The following ATP9B variants were observed in gnomAD, a reference collection of about 807,000 sequenced individuals.
ATP9B encodes the protein ATPase phospholipid transporting 9B.
Under a neutral mutation model 146.1 loss-of-function variants are expected in ATP9B, and 110 were observed. The ratio of observed to expected loss-of-function variants is 0.75; its 90% CI spans 0.65 to 0.88. The LOEUF is 0.88. Ranked by LOEUF, ATP9B falls within the 40% of genes least tolerant of loss-of-function variation. The pLI, the probability that ATP9B is intolerant of heterozygous loss-of-function variation, is 0.00. For missense variants in ATP9B, 1,499 were observed against 1,496.4 expected, an observed-to-expected ratio of 1.00 and a Z score of -0.03; for synonymous variants, 604 against 569.7, an observed-to-expected ratio of 1.06 and a Z score of -0.86.
rs770802937 is a variant in ATP9B, at chr18:79,303,613, C to T, written c.1421C>T (p.Thr474Ile). ...GTCCCCTTTATCCTAGGAACCCTCACCCAGAATGAAATGATATTTAAGCGG... is the reference window on the plus strand; with the variant it reads ...GTCCCCTTTATCCTAGGAACCCTCATCCAGAATGAAATGATATTTAAGCGG... ...YLLTDKTGTL[T>I]QNEMIFKRLH... The change falls in exon 14 of 30, where the codon ACC (threonine) becomes ATC (isoleucine). Residue 474 changes from threonine (T) to isoleucine (I), a missense_variant. Physicochemically the swap from Thr to Ile is moderately conservative, Grantham distance 89. Transcript: ENST00000426216. 1.2e-6 allele frequency: 2 copies of T among 1,613,808 alleles called. No homozygotes were observed. Among genetic ancestry groups the T allele is most frequent in the Admixed American group, 1.7e-5 (1 of 60,012 alleles).
At position 79,344,063 on chromosome 18, in the gene ATP9B, G is replaced by A. The variant is rs115672004; in HGVS notation, c.2383-202G>A. On this transcript the variant is annotated intron_variant, in intron 20 of 29. Coordinates refer to ENST00000426216, the MANE Select transcript of ATP9B (RefSeq NM_198531.5). ...TGCCACAAATTTGAAAATGATTGGC[G>A]TTAACTGAGTGGATAGACACACCCA... 357 of 597,674 alleles carry A rather than the reference G, an allele frequency of 6.0e-4. No individual in the cohort carries two copies. The African/African-American group carries it at 6.2e-3, about 10-fold the overall frequency. 37.0% of individuals were successfully genotyped at this position (597,674 alleles called of 1,614,324 possible).
rs745850403 is a variant in ATP9B, at chr18:79,196,913, C to T, written c.954+3650C>T. 4.6e-5 allele frequency among the ~76,000 whole-genome samples: 7 copies of T among 152,160 alleles called. No individual in the cohort carries two copies. In the South Asian group the frequency reaches 8.3e-4, roughly 18 times the overall value. ...CATAGGAAACTTTAACATCTACCTG[C>T]AGTTCCCAGTGGGTCAGGTGGACAG... is the stretch of plus-strand genomic sequence containing the variant. On this transcript the variant is annotated intron_variant, in intron 9 of 29. Coordinates refer to ENST00000426216, the MANE Select transcript of ATP9B (RefSeq NM_198531.5).
intron 15 of ATP9B, among the ~76,000 whole-genome samples, chr18:79,308,477 G>A (rs138645324): frequency 1.1e-3 from 173 of 152,302 alleles, no homozygotes; most frequent in Non-Finnish European, 1.5e-3. Context: ...GCAGGAAGGA[G>A]CCACGTCTAT....
intron 26 of ATP9B, chr18:79,360,993 A>C (rs991197877): frequency 3.9e-5 from 6 of 152,244 alleles, no homozygotes; most frequent in Non-Finnish European, 8.8e-5. Flanking sequence ...CAGAGACTCT[A>C]AAAATGTTTA....
At chr18:79,276,560 C>T (rs1053830090) in intron 12 of ATP9B, among the ~76,000 whole-genome samples, 5 of 152,194 alleles carry the variant, frequency 3.3e-5, no homozygotes, top group Admixed American at 1.3e-4. Context: ...AGGAGGACCC[C>T]GCCTGCTCCA....
intron 25 of ATP9B, among the ~76,000 whole-genome samples, chr18:79,351,522 C>A (rs2096922304): frequency 6.6e-6 from 1 of 152,162 alleles, no homozygotes. Context: ...GAAATAAATA[C>A]CAAGAATTGA....
chr18:79,190,511 TACACACACACACACAC>T (rs68063845), intron 8 of ATP9B, among the ~76,000 whole-genome samples: 3 of 143,550 alleles, frequency 2.1e-5, no homozygotes, highest in Non-Finnish European at 4.5e-5. Context: ...TTTTTATTTA[TACACACACACACACAC>T]ACACACACAC....
chr18:79,194,241 A>G (rs1445979028), intron 9 of ATP9B: 1 of 152,186 alleles, frequency 6.6e-6, no homozygotes, highest in Non-Finnish European at 1.5e-5. Flanking sequence ...ACATATGAGA[A>G]TAAATGTTAC....
intron 4 of ATP9B, among the ~76,000 whole-genome samples, chr18:79,123,397 AG>A: frequency 6.6e-6 from 1 of 151,542 alleles, no homozygotes; most frequent in Non-Finnish European, 1.5e-5. Flanking sequence ...TTGAAAAAAA[AG>A]AAAGGTCTAA....
intron 8 of ATP9B, among the ~76,000 whole-genome samples, chr18:79,185,919 C>T (rs923686639): frequency 5.3e-5 from 8 of 152,176 alleles, no homozygotes; most frequent in Non-Finnish European, 1.2e-4. Context: ...CCAAGAATAA[C>T]CTTTGTCCAT....
At chr18:79,302,495 C>T (rs1344841842) in intron 13 of ATP9B, among the ~76,000 whole-genome samples, 2 of 152,240 alleles carry the variant, frequency 1.3e-5, no homozygotes, top group South Asian at 2.1e-4. Flanking sequence ...CATCGCAGCA[C>T]GCTACATACA....
chr18:79,166,758 C>T (rs1194919393), intron 7 of ATP9B, among the ~76,000 whole-genome samples: 5 of 152,210 alleles, frequency 3.3e-5, no homozygotes, highest in Non-Finnish European at 7.3e-5. Flanking sequence ...ACCTCTATGG[C>T]CCGTGGAGCC....
Position 79,365,931 on chromosome 18 carries a change from AG to A in ATP9B, c.3012+6470del, listed in dbSNP as rs542600943. On this transcript the variant is annotated intron_variant, in intron 26 of 29. Transcript: ENST00000426216. The stretch of plus-strand genomic sequence containing the variant: ...GAAGGACATCTCCGTGGACAGGGAC[AG>A]CCTGTGTGTGATGGAAGGACATCCT... Among the ~76,000 whole-genome samples, 37 of 152,362 alleles carry A rather than the reference AG, an allele frequency of 2.4e-4. No homozygotes were observed. The East Asian group carries it at 6.7e-3, about 28-fold the overall frequency.
chr18:79,150,554 G>T (rs1304170052), intron 6 of ATP9B, among the ~76,000 whole-genome samples: 2 of 152,144 alleles, frequency 1.3e-5, no homozygotes, highest in Admixed American at 1.3e-4. Flanking sequence ...CCTTGCTCTT[G>T]TGGTGCCCCT....
chr18:79,077,005 T>C (rs1011579160), intron 1 of ATP9B, among the ~76,000 whole-genome samples: 5 of 152,256 alleles, frequency 3.3e-5, no homozygotes, highest in South Asian at 4.1e-4. Flanking sequence ...TGAGACTTTA[T>C]ATTTTTTCAT....
intron 9 of ATP9B, among the ~76,000 whole-genome samples, chr18:79,197,610 A>G (rs948820570): frequency 3.3e-5 from 5 of 152,174 alleles, no homozygotes; most frequent in African/African-American, 9.6e-5. Context: ...AAGGTTGCAT[A>G]TAATAATTCT....
At chr18:79,074,919 C>T (rs2072421215) in intron 1 of ATP9B, among the ~76,000 whole-genome samples, 1 of 152,218 alleles carries the variant, frequency 6.6e-6, no homozygotes, top group African/African-American at 2.4e-5. Flanking sequence ...GGTGCTTTTA[C>T]AAGGCTTGCA....
intron 26 of ATP9B, chr18:79,372,455 A>G: frequency 5.0e-6 from 2 of 400,316 alleles, no homozygotes; most frequent in South Asian, 3.8e-5. Flanking sequence ...TAAATATAGA[A>G]GTATTTGTTG....
At chr18:79,142,246 A>G (rs2094522958) in intron 5 of ATP9B, among the ~76,000 whole-genome samples, 2 of 152,246 alleles carry the variant, frequency 1.3e-5, no homozygotes, top group Admixed American at 1.3e-4. Context: ...ATTAAAGGCT[A>G]TTAAATATGT....
Sources: gnomAD v4.1 joint callset for allele counts (sites outside exome capture counted in the v4.1 genomes callset) on GRCh38, gnomAD v4.1.1 for gene constraint, MANE v1.5 for transcripts, NCBI Gene and HGNC (gene_info 2026-07-23, HGNC 2026-07-21) for gene names.